The following DLGAP1 variants were observed in gnomAD, a reference collection of about 807,000 sequenced individuals.
The protein encoded by DLGAP1 is DLG associated protein 1.
In DLGAP1, 11 loss-of-function variants were observed where a neutral mutation model predicts 90.8. That is an observed-to-expected ratio of 0.12 (90% confidence interval 0.08 to 0.20). The LOEUF (loss-of-function observed/expected upper bound fraction) is 0.20, where lower values mean the gene tolerates loss of function less well. DLGAP1 is among the 10% of genes least tolerant of loss of function. The pLI is 1.00. For missense variants in DLGAP1, 1,050 were observed against 1,333.8 expected, an observed-to-expected ratio of 0.79 and a Z score of 3.31; for synonymous variants, 558 against 540.7, an observed-to-expected ratio of 1.03 and a Z score of -0.44.
chr18:3,663,532 A>G (rs963954715), intron 7 of DLGAP1, among the ~76,000 whole-genome samples: 1 of 152,160 alleles, frequency 6.6e-6, no homozygotes, highest in Non-Finnish European at 1.5e-5. Context: ...ATGCTCTGCC[A>G]GTATCTGGGC....
At chr18:4,014,512 A>G (rs532186015) in intron 2 of DLGAP1, among the ~76,000 whole-genome samples, 2 of 152,276 alleles carry the variant, frequency 1.3e-5, no homozygotes, top group African/African-American at 2.4e-5. Flanking sequence ...AGTTAACAAA[A>G]ATTTATTGTA....
At position 4,150,093 on chromosome 18, in the gene DLGAP1, C is replaced by T. The variant is rs77517574; in HGVS notation, c.-159+1087G>A. On this transcript the variant is annotated intron_variant, in intron 2 of 12. Coordinates refer to ENST00000315677, the MANE Select transcript of DLGAP1 (RefSeq NM_004746.4). ...TGCAGTGGTAGACTTGCTAACCCAC[C>T]CATAATTTGGCCTGCGCTTCTTCCC... Among the ~76,000 whole-genome samples, 36 of 152,310 alleles carry T rather than the reference C, an allele frequency of 2.4e-4. No individual in the cohort carries two copies. In the East Asian group the frequency reaches 6.8e-3, roughly 29 times the overall value.
chr18:3,911,959 GA>G (rs2072044591), intron 3 of DLGAP1, among the ~76,000 whole-genome samples: 1 of 152,156 alleles, frequency 6.6e-6, no homozygotes, highest in South Asian at 2.1e-4. Flanking sequence ...CATCACTTGG[GA>G]GCTTGTTAGA....
chr18:4,134,470 A>G (rs1345244078), intron 2 of DLGAP1, among the ~76,000 whole-genome samples: 1 of 152,178 alleles, frequency 6.6e-6, no homozygotes, highest in Non-Finnish European at 1.5e-5. Context: ...GTGAAAAATA[A>G]TGATAATACA....
chr18:3,794,857 G>C (rs2065907419), intron 5 of DLGAP1, among the ~76,000 whole-genome samples: 2 of 152,200 alleles, frequency 1.3e-5, no homozygotes, highest in African/African-American at 2.4e-5. Flanking sequence ...AGGAGAAAAA[G>C]TGCGTCACTG....
intron 1 of DLGAP1, among the ~76,000 whole-genome samples, chr18:4,253,740 A>C (rs1438397014): frequency 6.6e-6 from 1 of 152,108 alleles, no homozygotes; most frequent in Non-Finnish European, 1.5e-5. Flanking sequence ...CTACCCTTTT[A>C]TCCATGGCGA....
At chr18:4,131,107 C>G (rs1403782765) in intron 2 of DLGAP1, among the ~76,000 whole-genome samples, 1 of 151,792 alleles carries the variant, frequency 6.6e-6, no homozygotes. Flanking sequence ...TATTTATATC[C>G]CAAGATAACT....
At chr18:3,695,641 C>T (rs1200021458) in intron 7 of DLGAP1, among the ~76,000 whole-genome samples, 2 of 152,170 alleles carry the variant, frequency 1.3e-5, no homozygotes, top group East Asian at 1.9e-4. Context: ...TAGTGTGATG[C>T]CTCCAGCTTT....
At chr18:4,231,444 A>G (rs2078296746) in intron 1 of DLGAP1, among the ~76,000 whole-genome samples, 1 of 152,144 alleles carries the variant, frequency 6.6e-6, no homozygotes, top group Admixed American at 6.6e-5. Context: ...AAAGCAAGAG[A>G]TTATCAGATA....
intron 4 of DLGAP1, among the ~76,000 whole-genome samples, chr18:3,833,767 G>A (rs1470378935): frequency 6.6e-6 from 1 of 152,114 alleles, no homozygotes; most frequent in South Asian, 2.1e-4. Context: ...TTGTCTGAAT[G>A]ATAAATTTAC....
At chr18:4,094,873 C>T (rs142427154) in intron 2 of DLGAP1, among the ~76,000 whole-genome samples, 1,542 of 152,284 alleles carry the variant, frequency 0.01, 22 homozygotes, top group Non-Finnish European at 0.011. Context: ...GCTGGGATTA[C>T]AGGCATGAGC....
chr18:4,177,351 AACAC>A (rs34299932), intron 1 of DLGAP1, among the ~76,000 whole-genome samples: 5,100 of 141,534 alleles, frequency 0.036, 122 homozygotes, highest in Middle Eastern at 0.09. Flanking sequence ...ACTTTCTTTG[AACAC>A]ACACACACAC....
chr18:4,039,796 C>T (rs1486631733), intron 2 of DLGAP1, among the ~76,000 whole-genome samples: 1 of 152,116 alleles, frequency 6.6e-6, no homozygotes, highest in Non-Finnish European at 1.5e-5. Context: ...ATATTTTTAA[C>T]CCCCATGCTA....
chr18:4,329,661 T>G (rs1043422590), intron 1 of DLGAP1, among the ~76,000 whole-genome samples: 10 of 152,034 alleles, frequency 6.6e-5, no homozygotes, highest in Non-Finnish European at 1.2e-4. Flanking sequence ...GAGTTCTTTT[T>G]AAATTTCTTG....
At chr18:3,617,756 C>T (rs372796474) in intron 7 of DLGAP1, among the ~76,000 whole-genome samples, 23 of 151,558 alleles carry the variant, frequency 1.5e-4, no homozygotes, top group African/African-American at 1.5e-4. Flanking sequence ...GTGTAATTGC[C>T]GGGCATGGTG....
chr18:3,892,731 G>A lies in DLGAP1; in HGVS notation c.-72-12591C>T, dbSNP rs1445087141. Among the ~76,000 whole-genome samples, 3 of 152,024 alleles carry A rather than the reference G, an allele frequency of 2.0e-5. No individual in the cohort carries two copies. In the East Asian group the frequency reaches 5.8e-4, roughly 29 times the overall value. On this transcript the variant is annotated intron_variant, in intron 3 of 12. Coordinates refer to ENST00000315677, the MANE Select transcript of DLGAP1 (RefSeq NM_004746.4). ...AAAAAGAAGTCTGGAAGATGCAAGAGTTAAGGAGTGTGAAAACATCTCAAT... is the reference window on the plus strand; with the variant it reads ...AAAAAGAAGTCTGGAAGATGCAAGAATTAAGGAGTGTGAAAACATCTCAAT...
chr18:4,300,420 C>T (rs2143246968), intron 1 of DLGAP1, among the ~76,000 whole-genome samples: 1 of 152,184 alleles, frequency 6.6e-6, no homozygotes, highest in South Asian at 2.1e-4. Flanking sequence ...ATCGCTTTGC[C>T]CTAAAACCTA....
At chr18:3,582,855 C>T (rs1285359091) in intron 7 of DLGAP1, among the ~76,000 whole-genome samples, 1 of 102,798 alleles carries the variant, frequency 9.7e-6, no homozygotes, top group African/African-American at 3.8e-5. Context: ...CCCCCTCCCT[C>T]CCTCCCTCCT....
intron 5 of DLGAP1, among the ~76,000 whole-genome samples, chr18:3,762,856 T>G (rs1239826286): frequency 6.6e-6 from 1 of 152,294 alleles, no homozygotes; most frequent in East Asian, 1.9e-4. Context: ...TCAGACAAAT[T>G]GTTAATTTCT....
Sources: allele counts gnomAD v4.1 joint callset (sites outside exome capture counted in the v4.1 genomes callset), GRCh38; gene constraint gnomAD v4.1.1; transcripts MANE v1.5; gene names NCBI Gene and HGNC (gene_info 2026-07-23, HGNC 2026-07-21).